Variants in EIF2AK3 observed in about 807,000 individuals in gnomAD.
The protein encoded by EIF2AK3 is eukaryotic translation initiation factor 2 alpha kinase 3.
In EIF2AK3, 50 loss-of-function variants were observed where a neutral mutation model predicts 113.5. That is an observed-to-expected ratio of 0.44 (90% CI 0.35 to 0.56). The LOEUF (loss-of-function observed/expected upper bound fraction) is 0.56. EIF2AK3 is among the 20% of genes least tolerant of loss of function. The pLI is 0.00. For missense variants in EIF2AK3, 1,185 were observed against 1,378.0 expected, an observed-to-expected ratio of 0.86 and a Z score of 2.22; for synonymous variants, 448 against 495.4, an observed-to-expected ratio of 0.90 and a Z score of 1.27.
At chr2:88,561,302 C>A (rs1157467494) in intron 15 of EIF2AK3, among the ~76,000 whole-genome samples, 1 of 150,472 alleles carries the variant, frequency 6.6e-6, no homozygotes, top group Non-Finnish European at 1.5e-5. Context: ...CACTCTGTCA[C>A]CCAGGCTGGA....
intron 13 of EIF2AK3, among the ~76,000 whole-genome samples, chr2:88,572,789 T>G (rs534940490): frequency 2.0e-5 from 3 of 152,322 alleles, no homozygotes; most frequent in Admixed American, 2.0e-4. Flanking sequence ...GTACTGAGAC[T>G]ATAACAGGTA....
rs574976232 is a variant in EIF2AK3, at chr2:88,575,337, G to A, written c.2146C>T (p.Pro716Ser). ...KEHIEIIAPSPQRSRSFSVGI... is the reference protein window; with the variant it reads ...KEHIEIIAPSSQRSRSFSVGI... ...ACTGAAAAAGACCTGCTTCTTTGTG[G>A]TGAAGGAGCTATGATTTCAATATGT... Residue 716 changes from proline (P) to serine (S), a missense_variant, in exon 13 of 17, where the codon CCA becomes TCA. This residue lies in a region of EIF2AK3 where 877 missense variants were observed against 1,024.2 expected (regional missense o/e 0.86). Coordinates refer to ENST00000303236, the MANE Select transcript of EIF2AK3 (RefSeq NM_004836.7). 3.1e-6 allele frequency: 5 copies of A among 1,614,208 alleles called. No homozygotes were observed. The highest frequency in any genetic ancestry group is 1.3e-5 in the African/African-American group (1 of 75,050).
At chr2:88,613,596 TA>T in intron 2 of EIF2AK3, 127 bp downstream of exon 2, 1 of 995,098 alleles carries the variant, frequency 1.0e-6, no homozygotes, top group Non-Finnish European at 1.6e-6. Flanking sequence ...GTAATTGCCC[TA>T]AAGGGACACA....
At chr2:88,575,506 A>T in intron 12 of EIF2AK3, 60 bp from the exon 13 acceptor site, 1 of 1,571,210 alleles carries the variant, frequency 6.4e-7, no homozygotes, top group Admixed American at 1.7e-5. Flanking sequence ...AAGTACCTGA[A>T]CTGCACCCTC....
chr2:88,595,351 C>T lies in EIF2AK3; in HGVS notation c.633+118G>A, dbSNP rs1674992546. ...ACAGTTCTCTTATTAAAACAAATGA[C>T]AACCTCAGGGGAAAATTACAATAAA... On this transcript the variant is annotated intron_variant, in intron 3 of 16. Coordinates refer to ENST00000303236, the MANE Select transcript of EIF2AK3 (RefSeq NM_004836.7). 3.9e-6 allele frequency: 4 copies of T among 1,020,068 alleles called. No individual in the cohort carries two copies. The East Asian group carries it at 1.1e-4, about 27-fold the overall frequency. 63.2% of individuals were successfully genotyped at this position (1,020,068 alleles called of 1,614,324 possible).
At position 88,574,566 on chromosome 2, in the gene EIF2AK3, C is replaced by G. The variant is rs1674401630; in HGVS notation, c.2817+100G>C. 6 of 1,417,062 alleles carry G rather than the reference C, an allele frequency of 4.2e-6. No individual in the cohort carries two copies. The South Asian group carries it at 7.3e-5, about 17-fold the overall frequency. The allele number at this position is 1,417,062 out of a possible 1,614,324, so 87.8% of individuals were successfully genotyped here. A position where few individuals can be genotyped will look rare whatever the true frequency, so the allele number is the denominator to read the frequency against. ...ACCTCTGCTCTCAGATGCTTTTACTCTCCCCAACTCTTAAGGATCCTTCAG... is the reference window on the plus strand; with the variant it reads ...ACCTCTGCTCTCAGATGCTTTTACTGTCCCCAACTCTTAAGGATCCTTCAG... On this transcript the variant is annotated intron_variant, in intron 13 of 16. Coordinates refer to ENST00000303236, the MANE Select transcript of EIF2AK3 (RefSeq NM_004836.7).
chr2:88,558,938 A>G lies in EIF2AK3; in HGVS notation c.3129T>C (p.Phe1043=), dbSNP rs767428404. 6 of 1,597,704 alleles carry G rather than the reference A, an allele frequency of 3.8e-6. No individual in the cohort carries two copies. The African/African-American group carries it at 8.0e-5, about 21-fold the overall frequency. Residue 1043 remains phenylalanine, a synonymous_variant, in exon 16 of 17, where the codon TTT becomes TTC. Transcript: ENST00000303236. ...DVRNLKFPPL[F]TQKYPCEYVM... ...ATACCTCACAAGGATATTTCTGAGT[A>G]AATAATGGTGGAAATTTGAGATTTC... is the stretch of plus-strand genomic sequence containing the variant.
chr2:88,594,527 T>G (rs756997699), intron 3 of EIF2AK3, among the ~76,000 whole-genome samples: 16 of 152,186 alleles, frequency 1.1e-4, no homozygotes, highest in Non-Finnish European at 1.8e-4. Context: ...CTACTCTTGA[T>G]AATGGATTTA....
intron 15 of EIF2AK3, among the ~76,000 whole-genome samples, chr2:88,560,863 ATAAG>A (rs1365685039): frequency 1.3e-5 from 2 of 152,142 alleles, no homozygotes; most frequent in Admixed American, 6.5e-5. Context: ...CCAGAGATCA[ATAAG>A]TAAGATCTAA....
chr2:88,590,899 G>C lies in EIF2AK3; in HGVS notation c.921C>G (p.Asp307Glu). ...DVEEQEAAIM[D>E]IVIKVSVADW... ...CAGCAACCGAAACCTTTATCACTATGTCCATTATGGCAGCTTCCTGTTCTT... is the reference window on the plus strand; with the variant it reads ...CAGCAACCGAAACCTTTATCACTATCTCCATTATGGCAGCTTCCTGTTCTT... Residue 307 changes from aspartate to glutamate, a missense_variant, in exon 5 of 17, where the codon GAC becomes GAG. By Grantham distance (45) the Asp-to-Glu change is conservative. Around this residue, in one of 3 missense-constraint regions of EIF2AK3, gnomAD observed 877 missense variants for 1,024.2 expected, o/e 0.86. Transcript: ENST00000303236. 6.2e-7 allele frequency: 1 copy of C among 1,614,066 alleles called. No individual in the cohort carries two copies. The highest frequency in any genetic ancestry group is 8.5e-7 in the Non-Finnish European group (1 of 1,179,998).
rs368895031 is a variant in EIF2AK3, at chr2:88,611,648, G to C, written c.438+2076C>G. Among the ~76,000 whole-genome samples the C allele has an allele frequency of 2.7e-4, 41 of 152,232 alleles. No homozygotes were observed. In the South Asian group the frequency reaches 7.5e-3, roughly 28 times the overall value. On this transcript the variant is annotated intron_variant, in intron 2 of 16. Transcript: ENST00000303236. ...ATTTCTTTTGCTGTTGTTGTTGTTT[G>C]AGATGGGAGTCTTGCACTGTCGCCT... is the stretch of plus-strand genomic sequence containing the variant.
intron 16 of EIF2AK3, 30 bp downstream of exon 16, chr2:88,558,887 A>C: frequency 6.6e-7 from 1 of 1,521,958 alleles, no homozygotes; most frequent in Middle Eastern, 1.7e-4. Flanking sequence ...GATGATTCTA[A>C]AGAAGATAAA....
At chr2:88,607,225 A>G (rs2104460326) in intron 2 of EIF2AK3, among the ~76,000 whole-genome samples, 1 of 152,358 alleles carries the variant, frequency 6.6e-6, no homozygotes, top group African/African-American at 2.4e-5. Context: ...TGTGTTACAA[A>G]ACAAAATTTT....
At chr2:88,561,566 G>A (rs1321402607) in intron 15 of EIF2AK3, among the ~76,000 whole-genome samples, 2 of 152,150 alleles carry the variant, frequency 1.3e-5, no homozygotes, top group African/African-American at 2.4e-5. Flanking sequence ...CGGCCCAGAG[G>A]GCTACTTTAA....
At chr2:88,596,103 A>G (rs1208384918) in intron 2 of EIF2AK3, among the ~76,000 whole-genome samples, 1 of 152,218 alleles carries the variant, frequency 6.6e-6, no homozygotes, top group East Asian at 1.9e-4. Flanking sequence ...AATAGATAAT[A>G]TATGCAGTAT....
At chr2:88,619,824 T>G (rs1334849073) in intron 1 of EIF2AK3, among the ~76,000 whole-genome samples, 1 of 152,016 alleles carries the variant, frequency 6.6e-6, no homozygotes, top group Non-Finnish European at 1.5e-5. Context: ...TGTGATGGCA[T>G]GCACCTGTAA....
At chr2:88,589,236 T>C (rs544710922) in intron 6 of EIF2AK3, among the ~76,000 whole-genome samples, 2 of 152,318 alleles carry the variant, frequency 1.3e-5, no homozygotes, top group South Asian at 4.1e-4. Flanking sequence ...CAAGAAAGTT[T>C]ACCTAAACAC....
Position 88,627,243 on chromosome 2 carries a change from A to C in EIF2AK3, c.32T>G (p.Val11Gly). 1 of 1,482,928 alleles carries C rather than the reference A, an allele frequency of 6.7e-7. No homozygotes were observed. Among genetic ancestry groups the C allele is most frequent in the Non-Finnish European group, 8.9e-7 (1 of 1,123,080 alleles). 91.9% of individuals were successfully genotyped at this position (1,482,928 alleles called of 1,614,324 possible). MERAISPGLL[V>G]RALLLLLLLL... is the part of the protein sequence containing the mutation. Reference sequence around the variant, plus strand: ...CAGCAGCAGCAGCAGCAGCGCCCGTACCAGCAGCCCCGGGCTGATGGCGCG... The same window carrying C: ...CAGCAGCAGCAGCAGCAGCGCCCGTCCCAGCAGCCCCGGGCTGATGGCGCG... The change falls in exon 1 of 17, where the codon GTA becomes GGA. Residue 11 changes from valine to glycine, a missense_variant. By Grantham distance (109) the Val-to-Gly change is moderately radical. Transcript: ENST00000303236.
At chr2:88,624,126 G>A (rs541387808) in intron 1 of EIF2AK3, among the ~76,000 whole-genome samples, 7 of 152,146 alleles carry the variant, frequency 4.6e-5, no homozygotes, top group African/African-American at 1.4e-4. Context: ...CGAGTAGCTC[G>A]GATTACAGGC....
Sources: allele counts gnomAD v4.1 joint callset (sites outside exome capture counted in the v4.1 genomes callset), GRCh38; gene constraint gnomAD v4.1.1; regional missense constraint gnomAD v4.1.1; transcripts MANE v1.5; gene names NCBI Gene and HGNC (gene_info 2026-07-23, HGNC 2026-07-21).